Variants in HHAT observed in about 807,000 individuals in gnomAD.
HHAT encodes protein-cysteine N-palmitoyltransferase HHAT.
Under a neutral mutation model 70.8 loss-of-function variants are expected in HHAT, and 47 were observed. The observed-to-expected ratio is 0.66, with a 90% CI of 0.53 to 0.85. The LOEUF (loss-of-function observed/expected upper bound fraction) is 0.85, where lower values mean the gene tolerates loss of function less well. Among genes scored for constraint, HHAT ranks in the 40% least tolerant of loss-of-function variants. The pLI, the probability that HHAT is intolerant of heterozygous loss-of-function variation, is 0.00. For synonymous variants in HHAT, 228 were observed against 247.6 expected (o/e 0.92, Z 0.74); for missense variants, 609 against 604.8 (o/e 1.01, Z -0.07).
At chr1:210,545,148 G>T (rs1283452197) in intron 9 of HHAT, among the ~76,000 whole-genome samples, 1 of 151,070 alleles carries the variant, frequency 6.6e-6, no homozygotes, top group Non-Finnish European at 1.5e-5. Flanking sequence ...GATTACCAAT[G>T]CTTTGAAGAT....
chr1:210,361,763 C>T (rs1041265302), intron 2 of HHAT, among the ~76,000 whole-genome samples: 11 of 152,018 alleles, frequency 7.2e-5, no homozygotes, highest in Non-Finnish European at 1.2e-4. Flanking sequence ...GAATCTCAGC[C>T]ATTCTGGTGG....
chr1:210,623,684 C>T lies in HHAT; in HGVS notation c.1390+14C>T. The stretch of plus-strand genomic sequence containing the variant: ...TCTTCATACAAGGTAAGTTGCTTGA[C>T]AGTGCTGTTTTCAGTCAGTTTCTTG... On this transcript the variant is annotated intron_variant, in intron 11 of 11. Transcript: ENST00000261458. 3 of 1,611,546 alleles carry T rather than the reference C, an allele frequency of 1.9e-6. No individual in the cohort carries two copies. Among genetic ancestry groups the T allele is most frequent in the African/African-American group, 1.3e-5 (1 of 74,984 alleles).
At chr1:210,658,337 C>CTAGAA (rs71723002) in intron 11 of HHAT, among the ~76,000 whole-genome samples, 2,544 of 152,276 alleles carry the variant, frequency 0.017, 73 homozygotes, top group African/African-American at 0.058. Context: ...TGACATCACT[C>CTAGAA]TTCTAAAGTA....
intron 1 of HHAT, among the ~76,000 whole-genome samples, chr1:210,342,497 T>A (rs780429068): frequency 6.6e-6 from 1 of 152,188 alleles, no homozygotes; most frequent in Non-Finnish European, 1.5e-5. Flanking sequence ...CTCATTTGTG[T>A]AGATTAATCA....
intron 10 of HHAT, chr1:210,589,086 A>G (rs1329043610): frequency 6.6e-6 from 1 of 152,230 alleles, no homozygotes; most frequent in African/African-American, 2.4e-5. Flanking sequence ...CTAAAAAGAA[A>G]TGTGCTGGCA....
chr1:210,515,757 C>CAAAAAAA (rs34971563), intron 9 of HHAT, among the ~76,000 whole-genome samples: 1 of 80,318 alleles, frequency 1.2e-5, no homozygotes, highest in African/African-American at 5.2e-5. Flanking sequence ...GACTCCGTCT[C>CAAAAAAA]AAAAAAAAAA....
rs528081777 is a variant in HHAT, at chr1:210,585,840, A to G, written c.1044-2058A>G. Reference sequence around the variant, plus strand: ...GGAAATAGGAGGATTCTGGCTAAACAGACCTAACAGGATTCCTCCTGAAGG... The same window carrying G: ...GGAAATAGGAGGATTCTGGCTAAACGGACCTAACAGGATTCCTCCTGAAGG... On this transcript the variant is annotated intron_variant, in intron 9 of 11. Transcript: ENST00000261458. Among the ~76,000 whole-genome samples the G allele has an allele frequency of 1.8e-4, 27 of 152,328 alleles. No homozygotes were observed. The East Asian group carries it at 5.0e-3, about 28-fold the overall frequency.
Position 210,623,569 on chromosome 1 carries a change from C to A in HHAT, c.1289C>A (p.Ala430Asp). The A allele has an allele frequency of 1.2e-6, 2 of 1,614,098 alleles. No homozygotes were observed. The highest frequency in any genetic ancestry group is 2.2e-5 in the South Asian group (2 of 91,064). Residue 430 changes from alanine to aspartate, a missense_variant, in exon 11 of 12, where the codon GCC (alanine) becomes GAC (aspartate). Ala to Asp is a moderately radical substitution (Grantham distance 126). Coordinates refer to ENST00000261458, the MANE Select transcript of HHAT (RefSeq NM_018194.6). ...CAAGCTCGCCGTCGATTCCACGCTG[C>A]CCTTGCTTCTTGTTCCACCTCGATG... ...SPQARRRFHA[A>D]LASCSTSMLI...
chr1:210,486,308 G>T (rs2094472055), intron 8 of HHAT, among the ~76,000 whole-genome samples: 1 of 152,124 alleles, frequency 6.6e-6, no homozygotes, highest in South Asian at 2.1e-4. Flanking sequence ...CTAGTAAAGG[G>T]CATATTTTTG....
At chr1:210,618,702 C>G (rs1041501950) in intron 10 of HHAT, among the ~76,000 whole-genome samples, 69 of 152,168 alleles carry the variant, frequency 4.5e-4, no homozygotes, top group African/African-American at 1.6e-3. Flanking sequence ...TGCCTCCCTT[C>G]CCCATGTATG....
intron 8 of HHAT, among the ~76,000 whole-genome samples, chr1:210,488,354 T>C (rs1314544348): frequency 6.6e-6 from 1 of 152,194 alleles, no homozygotes; most frequent in Non-Finnish European, 1.5e-5. Context: ...CTCTCCACTT[T>C]TTCTTTTTAC....
At chr1:210,626,744 GA>G (rs962893549) in intron 11 of HHAT, among the ~76,000 whole-genome samples, 2 of 151,776 alleles carry the variant, frequency 1.3e-5, no homozygotes, top group Non-Finnish European at 2.9e-5. Flanking sequence ...ATGTTTTGGT[GA>G]AAAAAAATAA....
chr1:210,336,864 T>A (rs1226544374), intron 1 of HHAT, among the ~76,000 whole-genome samples: 1 of 152,224 alleles, frequency 6.6e-6, no homozygotes, highest in African/African-American at 2.4e-5. Flanking sequence ...TTACTTAAAA[T>A]CTTGTAAAAA....
intron 3 of HHAT, among the ~76,000 whole-genome samples, chr1:210,383,337 CAA>C (rs11318486): frequency 1.3e-5 from 2 of 152,088 alleles, no homozygotes; most frequent in South Asian, 4.2e-4. Flanking sequence ...GAGACTGTCT[CAA>C]AAAAGAGCTT....
chr1:210,342,310 C>A (rs778249526), intron 1 of HHAT, among the ~76,000 whole-genome samples: 7 of 152,148 alleles, frequency 4.6e-5, no homozygotes, highest in Non-Finnish European at 1.0e-4. Context: ...AACATGAAAT[C>A]GTATGTTTTA....
chr1:210,529,364 G>A (rs1006302914), intron 9 of HHAT, among the ~76,000 whole-genome samples: 2 of 151,786 alleles, frequency 1.3e-5, no homozygotes, highest in African/African-American at 4.8e-5. Context: ...TTAAGCTGAT[G>A]TACATCAGAC....
chr1:210,651,886 G>A (rs1342898937), intron 11 of HHAT, among the ~76,000 whole-genome samples: 2 of 152,226 alleles, frequency 1.3e-5, no homozygotes, highest in Admixed American at 1.3e-4. Context: ...GGCAACCCAG[G>A]AAAGGGGCTA....
chr1:210,374,004 G>A (rs2089850756), intron 3 of HHAT: 1 of 152,208 alleles, frequency 6.6e-6, no homozygotes, highest in Admixed American at 6.5e-5. Flanking sequence ...TATCATGCAA[G>A]TATTCAGACC....
chr1:210,330,293 A>T (rs1255403789), intron 1 of HHAT, among the ~76,000 whole-genome samples: 2 of 152,160 alleles, frequency 1.3e-5, no homozygotes, highest in African/African-American at 4.8e-5. Context: ...TGAGAGATTC[A>T]ATTAATGTTA....
Sources: allele counts gnomAD v4.1 joint callset (sites outside exome capture counted in the v4.1 genomes callset), GRCh38; gene constraint gnomAD v4.1.1; transcripts MANE v1.5; gene names NCBI Gene and HGNC (gene_info 2026-07-23, HGNC 2026-07-21).